The following MAMDC2 variants were observed in gnomAD, a reference collection of about 807,000 sequenced individuals.
MAMDC2 encodes the protein MAM domain-containing protein 2.
A neutral mutation model predicts 89.8 loss-of-function variants in MAMDC2; 57 were observed. That is an observed-to-expected ratio of 0.63 (90% CI 0.51 to 0.79). MAMDC2 has a LOEUF of 0.79. MAMDC2 is among the 30% of genes least tolerant of loss of function. The pLI is 0.00. For synonymous variants in MAMDC2, 313 were observed against 293.4 expected (o/e 1.07, Z -0.68); for missense variants, 800 against 820.6 (o/e 0.97, Z 0.31).
chr9:70,150,916 C>T (rs746402221), intron 9 of MAMDC2, among the ~76,000 whole-genome samples: 20 of 152,170 alleles, frequency 1.3e-4, no homozygotes, highest in Admixed American at 3.3e-4. Flanking sequence ...ACCTCCCCTG[C>T]GTGAAACTGT....
chr9:70,204,300 T>G (rs946462299), intron 11 of MAMDC2, among the ~76,000 whole-genome samples: 2 of 151,670 alleles, frequency 1.3e-5, no homozygotes, highest in Non-Finnish European at 2.9e-5. Flanking sequence ...TGCAGGTCTG[T>G]TGGAATACCC....
rs184746006 is a variant in MAMDC2 at position 70,136,772 on chromosome 9, T to A, written c.995-3373T>A. On this transcript the variant is annotated intron_variant, in intron 7 of 13. Transcript: ENST00000377182. The stretch of plus-strand genomic sequence containing the variant: ...TCTGTAGATTTGGGATTTTTATTTG[T>A]TTTTTTATTACCCAGTAGCAGAGGG... 3.5e-4 allele frequency among the ~76,000 whole-genome samples: 53 copies of A among 152,278 alleles called. No homozygotes were observed. In the East Asian group the frequency reaches 0.01, roughly 29 times the overall value.
intron 9 of MAMDC2, among the ~76,000 whole-genome samples, chr9:70,165,653 G>A (rs565126732): frequency 1.2e-4 from 19 of 152,248 alleles, no homozygotes; most frequent in African/African-American, 4.6e-4. Flanking sequence ...GGCAATTCAC[G>A]AAGTATTTGG....
At chr9:70,099,944 C>T (rs554442759) in intron 2 of MAMDC2, among the ~76,000 whole-genome samples, 35 of 146,046 alleles carry the variant, frequency 2.4e-4, no homozygotes, top group Middle Eastern at 3.8e-3. Flanking sequence ...CACTGCACTC[C>T]CGTCTGGGTG....
At chr9:70,173,864 T>C (rs2032422930) in intron 11 of MAMDC2, among the ~76,000 whole-genome samples, 1 of 152,172 alleles carries the variant, frequency 6.6e-6, no homozygotes, top group African/African-American at 2.4e-5. Context: ...CTAAGTAAGG[T>C]TCCCATTCAC....
intron 11 of MAMDC2, among the ~76,000 whole-genome samples, chr9:70,174,723 G>A (rs1387131976): frequency 1.1e-5 from 1 of 93,176 alleles, no homozygotes; most frequent in Non-Finnish European, 2.1e-5. Flanking sequence ...GAAGGGCTTT[G>A]GATTTTTTTT....
intron 11 of MAMDC2, among the ~76,000 whole-genome samples, chr9:70,207,771 C>T (rs565722914): frequency 1.5e-3 from 227 of 152,262 alleles, no homozygotes; most frequent in Non-Finnish European, 2.6e-3. Context: ...TTAGGTCTAA[C>T]ATTTAAGTTT....
chr9:70,188,904 C>G (rs2032819990), intron 11 of MAMDC2, among the ~76,000 whole-genome samples: 1 of 151,588 alleles, frequency 6.6e-6, no homozygotes. Context: ...ACTCCTGGCC[C>G]TCAATTAATA....
At chr9:70,097,128 T>C (rs1828049376) in intron 2 of MAMDC2, among the ~76,000 whole-genome samples, 1 of 152,100 alleles carries the variant, frequency 6.6e-6, no homozygotes, top group Non-Finnish European at 1.5e-5. Context: ...GGCCTCACTG[T>C]TTTCTTCCAT....
At chr9:70,188,179 C>T (rs2032799727) in intron 11 of MAMDC2, among the ~76,000 whole-genome samples, 1 of 152,146 alleles carries the variant, frequency 6.6e-6, no homozygotes, top group African/African-American at 2.4e-5. Context: ...TCCAATCTTT[C>T]AGTTGCAACT....
intron 11 of MAMDC2, among the ~76,000 whole-genome samples, chr9:70,212,637 A>G (rs999415479): frequency 2.6e-5 from 4 of 151,918 alleles, no homozygotes; most frequent in Non-Finnish European, 5.9e-5. Context: ...CCGCTGTCCA[A>G]TAAGCCCCAG....
chr9:70,081,594 A>G (rs2118130750), intron 2 of MAMDC2: 1 of 152,296 alleles, frequency 6.6e-6, no homozygotes, highest in East Asian at 1.9e-4. Context: ...ATAGACCAAC[A>G]CAAGTAAAAT....
chr9:70,081,873 C>A (rs2118132019), intron 2 of MAMDC2: 1 of 152,194 alleles, frequency 6.6e-6, no homozygotes, highest in African/African-American at 2.4e-5. Flanking sequence ...CCCCCTGAGG[C>A]CATTACTTCC....
chr9:70,079,663 A>G (rs1827611454), intron 2 of MAMDC2, among the ~76,000 whole-genome samples: 1 of 152,200 alleles, frequency 6.6e-6, no homozygotes, highest in Non-Finnish European at 1.5e-5. Context: ...AGTTTTTGAT[A>G]GGAAAATGGC....
In MAMDC2 at chr9:70,143,778, A is replaced by G. The variant is rs2031305673; in HGVS notation, c.1363A>G (p.Met455Val). Residue 455 changes from methionine to valine, a missense_variant, in exon 9 of 14, where the codon ATG becomes GTG. By Grantham distance (21) the Met-to-Val change is conservative. Transcript: ENST00000377182. ...GTTGGAGTCCCCAAGGGGTGTTTGG[A>G]TGCAAGCTGAAATCACCTTTAAGAA... ...SVLESPRGVW[M>V]QAEITFKKPM... The G allele has an allele frequency of 6.2e-7, 1 of 1,614,164 alleles. No homozygotes were observed. The highest frequency in any genetic ancestry group is 8.5e-7 in the Non-Finnish European group (1 of 1,180,014).
intron 11 of MAMDC2, among the ~76,000 whole-genome samples, chr9:70,208,642 C>A (rs1187926434): frequency 6.6e-6 from 1 of 152,204 alleles, no homozygotes; most frequent in Non-Finnish European, 1.5e-5. Flanking sequence ...TCTTACCTGA[C>A]TGCCCTGGCC....
Position 70,166,101 on chromosome 9 carries a change from C to T in MAMDC2, c.1405-2601C>T, listed in dbSNP as rs538009083. The stretch of plus-strand genomic sequence containing the variant: ...GCTAAAAATACAAAAATTAGCCAGG[C>T]GTGGTGGCACATGCCTGTAATCCCA... On this transcript the variant is annotated intron_variant, in intron 9 of 13. Transcript: ENST00000377182. Among the ~76,000 whole-genome samples the T allele has an allele frequency of 2.3e-4, 35 of 151,872 alleles. 2 individuals are homozygous for T. The highest frequency in any genetic ancestry group is 7.2e-4 in the African/African-American group (30 of 41,390).
intron 11 of MAMDC2, among the ~76,000 whole-genome samples, chr9:70,181,319 A>G (rs2032641219): frequency 6.6e-6 from 1 of 152,094 alleles, no homozygotes; most frequent in African/African-American, 2.4e-5. Flanking sequence ...TGCTTAGGAT[A>G]GTCTTGGCTA....
intron 2 of MAMDC2, among the ~76,000 whole-genome samples, chr9:70,105,506 T>C (rs1237214375): frequency 7.9e-5 from 12 of 152,182 alleles, no homozygotes; most frequent in African/African-American, 2.4e-4. Context: ...AGATACATCT[T>C]TGCATGGACT....
Sources: allele counts gnomAD v4.1 joint callset (sites outside exome capture counted in the v4.1 genomes callset), GRCh38; gene constraint gnomAD v4.1.1; transcripts MANE v1.5; gene names NCBI Gene and HGNC (gene_info 2026-07-23, HGNC 2026-07-21).